PREX1: variants seen among roughly 807,000 people sequenced by gnomAD.
PREX1 encodes the protein phosphatidylinositol 3,4,5-trisphosphate-dependent Rac exchanger 1 protein.
Under a neutral mutation model 198.3 loss-of-function variants are expected in PREX1, and 41 were observed. The observed-to-expected ratio is 0.21, with a 90% CI of 0.16 to 0.27. The LOEUF (loss-of-function observed/expected upper bound fraction) is 0.27, where lower values mean the gene tolerates loss of function less well. PREX1 is among the 10% of genes least tolerant of loss of function. The probability of loss-of-function intolerance (pLI) is 1.00; values close to 1 mark genes in which losing one functional copy is unlikely to be tolerated. For missense variants in PREX1, 1,620 were observed against 2,200.7 expected (o/e 0.74, Z 5.28); for synonymous variants, 843 against 887.2 (o/e 0.95, Z 0.89).
Position 48,792,853 on chromosome 20 carries a change from C to CACACACAT in PREX1, c.219+34788_219+34789insATGTGTGT, listed in dbSNP as rs1256864071. ...ACACACACACACACACACACACACA[C>CACACACAT]ATAGTATGATTCCATTTATATCCAT... is the stretch of plus-strand genomic sequence containing the variant. On this transcript the variant is annotated intron_variant, in intron 1 of 39. Coordinates refer to ENST00000371941, the MANE Select transcript of PREX1 (RefSeq NM_020820.4). 5.9e-3 allele frequency among the ~76,000 whole-genome samples: 859 copies of CACACACAT among 145,320 alleles called. 12 individuals are homozygous for CACACACAT. Among genetic ancestry groups the CACACACAT allele is most frequent in the African/African-American group, 0.02 (773 of 38,074 alleles).
chr20:48,626,881 G>C (rs532786914), intron 39 of PREX1, among the ~76,000 whole-genome samples: 2 of 152,206 alleles, frequency 1.3e-5, no homozygotes, highest in Admixed American at 1.3e-4. Context: ...TAGGGCTGTG[G>C]AGATGGAGAG....
At chr20:48,766,878 G>A (rs2122863894) in intron 1 of PREX1, among the ~76,000 whole-genome samples, 1 of 152,240 alleles carries the variant, frequency 6.6e-6, no homozygotes, top group East Asian at 1.9e-4. Context: ...TTCCTCACCT[G>A]TAAAATAGAC....
chr20:48,886,236 G>T, the PREX1 span, among the ~76,000 whole-genome samples: 1 of 152,186 alleles, frequency 6.6e-6, no homozygotes, highest in Non-Finnish European at 1.5e-5. Flanking sequence ...ACTTAAAACT[G>T]CTCTTAAAAG....
intron 14 of PREX1, among the ~76,000 whole-genome samples, chr20:48,674,810 C>T (rs551876925): frequency 6.6e-6 from 1 of 152,348 alleles, no homozygotes; most frequent in African/African-American, 2.4e-5. Flanking sequence ...CAAACACCTT[C>T]GGGATATTGC....
intron 1 of PREX1, among the ~76,000 whole-genome samples, chr20:48,771,828 A>T (rs944387298): frequency 6.6e-6 from 1 of 152,190 alleles, no homozygotes; most frequent in African/African-American, 2.4e-5. Flanking sequence ...GATGCCACGC[A>T]CTAGCATAGA....
chr20:48,636,334 C>A (rs973575449), intron 32 of PREX1, 129 bp downstream of exon 32: 3 of 985,754 alleles, frequency 3.0e-6, no homozygotes, highest in Non-Finnish European at 1.5e-6. Flanking sequence ...AGGTGCTCAA[C>A]AAATAGCTGC....
At chr20:48,739,037 T>C (rs2090069617) in intron 3 of PREX1, among the ~76,000 whole-genome samples, 1 of 152,170 alleles carries the variant, frequency 6.6e-6, no homozygotes, top group African/African-American at 2.4e-5. Context: ...AAACCTGCAA[T>C]GGCTTTCACT....
intron 1 of PREX1, among the ~76,000 whole-genome samples, chr20:48,751,583 G>T (rs947086343): frequency 3.9e-5 from 6 of 152,214 alleles, no homozygotes; most frequent in Non-Finnish European, 8.8e-5. Flanking sequence ...CAGGCAGCAC[G>T]GCGTCCCCTG....
chr20:48,699,003 C>T (rs936001788), intron 7 of PREX1, among the ~76,000 whole-genome samples: 3 of 152,262 alleles, frequency 2.0e-5, no homozygotes, highest in African/African-American at 7.2e-5. Context: ...AACACTACTA[C>T]AAGGAGGGGC....
chr20:48,878,420 ACCT>A, the PREX1 span, among the ~76,000 whole-genome samples: 23 of 150,964 alleles, frequency 1.5e-4, no homozygotes, highest in East Asian at 7.9e-4. Flanking sequence ...GCTCACTGAA[ACCT>A]CCACCTCCCT....
intron 1 of PREX1, among the ~76,000 whole-genome samples, chr20:48,754,713 T>TGG (rs1330965213): frequency 2.5e-5 from 1 of 40,156 alleles, no homozygotes; most frequent in Non-Finnish European, 5.1e-5. Context: ...TGGGGGTGGG[T>TGG]GGGGGGAGCT....
At chr20:48,816,601 G>A (rs757687644) in intron 1 of PREX1, among the ~76,000 whole-genome samples, 2 of 152,128 alleles carry the variant, frequency 1.3e-5, no homozygotes, top group South Asian at 2.1e-4. Context: ...CCTGCTGGCC[G>A]TGATGTGGCT....
intron 36 of PREX1, 138 bp from the exon 37 acceptor site, chr20:48,629,759 G>C: frequency 1.1e-6 from 1 of 905,476 alleles, no homozygotes; most frequent in Non-Finnish European, 1.7e-6. Context: ...CCCCTCTGGG[G>C]ATAACAATGC....
intron 1 of PREX1, among the ~76,000 whole-genome samples, chr20:48,782,244 A>T (rs1268453577): frequency 1.3e-5 from 2 of 152,152 alleles, no homozygotes; most frequent in Non-Finnish European, 2.9e-5. Context: ...TGTGGGAGGG[A>T]CACAGTGGGA....
the PREX1 span, among the ~76,000 whole-genome samples, chr20:48,862,216 G>GA: frequency 3.3e-5 from 5 of 151,402 alleles, no homozygotes; most frequent in Non-Finnish European, 7.4e-5. Flanking sequence ...CTCAACAAAA[G>GA]AAAAAATAAA....
In PREX1 at chr20:48,654,113, C is replaced by A. The variant is rs191350924; in HGVS notation, c.2210-616G>T. 1.2e-3 allele frequency among the ~76,000 whole-genome samples: 177 copies of A among 152,360 alleles called. 1 individual carries two copies. Among genetic ancestry groups the A allele is most frequent in the Non-Finnish European group, 2.3e-3 (155 of 68,026 alleles). ...GGACTTGCATGGCTTCAAACCCTGG[C>A]TCTGCCATAGACCGACCCTGGAACC... On this transcript the variant is annotated intron_variant, in intron 19 of 39. Coordinates refer to ENST00000371941, the MANE Select transcript of PREX1 (RefSeq NM_020820.4).
chr20:48,836,902 C>CAAAAAA, the PREX1 span, among the ~76,000 whole-genome samples: 4 of 56,070 alleles, frequency 7.1e-5, no homozygotes, highest in South Asian at 8.0e-4. Context: ...ACTCTGTCTC[C>CAAAAAA]AAAAAAAAAA....
At chr20:48,759,918 ACG>A (rs1379641738) in intron 1 of PREX1, among the ~76,000 whole-genome samples, 3 of 152,064 alleles carry the variant, frequency 2.0e-5, no homozygotes, top group Admixed American at 2.0e-4. Flanking sequence ...ATCAATCAAT[ACG>A]GCAAAACCTC....
chr20:48,873,778 A>G, the PREX1 span, among the ~76,000 whole-genome samples: 1 of 152,158 alleles, frequency 6.6e-6, no homozygotes, highest in Admixed American at 6.6e-5. Context: ...AAAATATAAA[A>G]GCACAACAAC....
Sources: gnomAD v4.1 joint callset for allele counts (sites outside exome capture counted in the v4.1 genomes callset) on GRCh38, gnomAD v4.1.1 for gene constraint, MANE v1.5 for transcripts, NCBI Gene and HGNC (gene_info 2026-07-23, HGNC 2026-07-21) for gene names.